The following WDFY4 variants were observed in gnomAD, a reference collection of about 807,000 sequenced individuals.
The protein encoded by WDFY4 is WD repeat- and FYVE domain-containing protein 4.
A neutral mutation model predicts 351.9 loss-of-function variants in WDFY4; 169 were observed. The observed-to-expected ratio is 0.48, with a 90% CI of 0.42 to 0.55. WDFY4 has a LOEUF of 0.55. Ranked by LOEUF, WDFY4 falls within the 20% of genes least tolerant of loss-of-function variation. The probability of loss-of-function intolerance (pLI) is 0.00; values close to 1 mark genes in which losing one functional copy is unlikely to be tolerated. For synonymous variants in WDFY4, 1,622 were observed against 1,574.6 expected (o/e 1.03, Z -0.71); for missense variants, 3,803 against 3,935.6 (o/e 0.97, Z 0.90).
chr10:48,808,047 C>T (rs1750541345), intron 28 of WDFY4, 89 bp downstream of exon 28: 2 of 1,110,474 alleles, frequency 1.8e-6, no homozygotes, highest in Non-Finnish European at 2.5e-6. Flanking sequence ...AGTTTAGCAT[C>T]TCTGAGTCTG....
intron 8 of WDFY4, among the ~76,000 whole-genome samples, chr10:48,730,594 A>G (rs1408840331): frequency 1.3e-5 from 2 of 152,154 alleles, no homozygotes; most frequent in African/African-American, 2.4e-5. Context: ...TTTGCTAGTA[A>G]TCTCCAACAT....
chr10:48,830,863 C>T lies in WDFY4; in HGVS notation c.6504C>T (p.Leu2168=). The change falls in exon 38 of 62, where the codon CTC becomes CTT. Residue 2168 remains leucine (L), a synonymous_variant. Coordinates refer to ENST00000325239, the MANE Select transcript of WDFY4 (RefSeq NM_001394531.1). Reference sequence around the variant, plus strand: ...CACCGCTCTGGGAGGAGACGATGCTCAAGGCCTGGCAGCATTACTTAGGTC... The same window carrying T: ...CACCGCTCTGGGAGGAGACGATGCTTAAGGCCTGGCAGCATTACTTAGGTC... The part of the protein sequence containing the change: ...EVTPLWEETM[L]KAWQHYLASE... 1.3e-6 allele frequency: 2 copies of T among 1,551,540 alleles called. No individual in the cohort carries two copies. Among genetic ancestry groups the T allele is most frequent in the Non-Finnish European group, 1.7e-6 (2 of 1,146,914 alleles).
At chr10:48,829,225 C>T (rs934873135) in intron 37 of WDFY4, among the ~76,000 whole-genome samples, 5 of 152,156 alleles carry the variant, frequency 3.3e-5, no homozygotes, top group Non-Finnish European at 5.9e-5. Flanking sequence ...TCCCAGGGTA[C>T]TCTACGGTAA....
chr10:48,913,052 G>A (rs1370761612), intron 47 of WDFY4, among the ~76,000 whole-genome samples: 1 of 152,216 alleles, frequency 6.6e-6, no homozygotes, highest in African/African-American at 2.4e-5. Flanking sequence ...GCCAGTGATA[G>A]TGAGTGTGTG....
rs1258447128 is a variant in WDFY4, at chr10:48,755,150, A to T, written c.2460-5197A>T. On this transcript the variant is annotated intron_variant, in intron 12 of 61. Coordinates refer to ENST00000325239, the MANE Select transcript of WDFY4 (RefSeq NM_001394531.1). Reference sequence around the variant, plus strand: ...TTCCTTATAGTTTTGTCTTTCCAGAATACCATATACATGGAAGCATACATG... The same window carrying T: ...TTCCTTATAGTTTTGTCTTTCCAGATTACCATATACATGGAAGCATACATG... 3.3e-5 allele frequency among the ~76,000 whole-genome samples: 5 copies of T among 152,168 alleles called. No homozygotes were observed. The East Asian group carries it at 9.6e-4, about 29-fold the overall frequency.
intron 39 of WDFY4, among the ~76,000 whole-genome samples, chr10:48,860,153 T>C (rs1470879977): frequency 2.0e-5 from 3 of 152,254 alleles, no homozygotes; most frequent in African/African-American, 7.2e-5. Flanking sequence ...GTTTCAATCA[T>C]TTTTCTGCTT....
chr10:48,825,473 C>G (rs1163812085), intron 35 of WDFY4, among the ~76,000 whole-genome samples: 1 of 152,012 alleles, frequency 6.6e-6, no homozygotes, highest in East Asian at 1.9e-4. Context: ...GGGTATATAC[C>G]CAGTAATGGG....
rs970167299 is a variant in WDFY4 at position 48,873,471 on chromosome 10, ACT to A, written c.6742-17_6742-16del. On this transcript the variant is annotated intron_variant, in intron 40 of 61. Transcript: ENST00000325239. The stretch of plus-strand genomic sequence containing the variant: ...CCATAAGGCAAATGTATCCAGGGTG[ACT>A]CTGTTTCTGCTCCCCAGAGGCGAAA... The A allele has an allele frequency of 1.3e-5, 20 of 1,531,568 alleles. No individual in the cohort carries two copies. Among genetic ancestry groups the A allele is most frequent in the African/African-American group, 4.2e-5 (3 of 72,236 alleles). 94.9% of individuals were successfully genotyped at this position (1,531,568 alleles called of 1,614,324 possible).
At chr10:48,954,457 C>T (rs1841488927) in intron 51 of WDFY4, among the ~76,000 whole-genome samples, 1 of 152,338 alleles carries the variant, frequency 6.6e-6, no homozygotes, top group Non-Finnish European at 1.5e-5. Context: ...TCACTTTGTT[C>T]CCTTCCAAGT....
intron 39 of WDFY4, among the ~76,000 whole-genome samples, chr10:48,849,583 G>A (rs2068890732): frequency 6.6e-6 from 1 of 152,216 alleles, no homozygotes; most frequent in Non-Finnish European, 1.5e-5. Context: ...TCCATCCCAG[G>A]TTCACAGTGG....
chr10:48,704,036 C>T (rs1057248198), intron 1 of WDFY4, among the ~76,000 whole-genome samples: 1 of 152,114 alleles, frequency 6.6e-6, no homozygotes, highest in Non-Finnish European at 1.5e-5. Flanking sequence ...GCACATGGCA[C>T]AGAGGAAGGG....
chr10:48,974,539 A>ACG (rs1564543245), intron 57 of WDFY4, among the ~76,000 whole-genome samples: 1 of 18,326 alleles, frequency 5.5e-5, no homozygotes, highest in Non-Finnish European at 1.4e-4. Flanking sequence ...ACAACTCATG[A>ACG]CATGAACTGC....
At position 48,976,882 on chromosome 10, in the gene WDFY4, G is replaced by T; in HGVS notation, c.9194G>T (p.Gly3065Val). Residue 3065 changes from glycine (G) to valine (V), a missense_variant, in exon 59 of 62, where the codon GGC (glycine) becomes GTC (valine). This residue lies in a region of WDFY4 where 3,054 missense variants were observed against 3,148.6 expected (regional missense o/e 0.97). Coordinates refer to ENST00000325239, the MANE Select transcript of WDFY4 (RefSeq NM_001394531.1). ...QPLASITTAW[G>V]PEGAITCCCL... The stretch of plus-strand genomic sequence containing the variant: ...CTGGCCAGCATCACCACAGCCTGGG[G>T]CCCAGAAGGAGCCATAACCTGCTGC... 1 of 1,541,006 alleles carries T rather than the reference G, an allele frequency of 6.5e-7. No homozygotes were observed.
chr10:48,688,016 C>T (rs181470666), intron 1 of WDFY4, among the ~76,000 whole-genome samples: 175 of 152,240 alleles, frequency 1.1e-3, no homozygotes, highest in African/African-American at 3.9e-3. Context: ...CTCCTGACCT[C>T]AGGTGATCCA....
chr10:48,929,559 T>C (rs1564500364), intron 47 of WDFY4, among the ~76,000 whole-genome samples: 1 of 152,186 alleles, frequency 6.6e-6, no homozygotes, highest in Non-Finnish European at 1.5e-5. Context: ...CCTATACTTA[T>C]TGTGCTGGTC....
chr10:48,819,297 C>A (rs1366982843), intron 32 of WDFY4, among the ~76,000 whole-genome samples: 1 of 152,202 alleles, frequency 6.6e-6, no homozygotes, highest in Non-Finnish European at 1.5e-5. Context: ...GTATAGAAAA[C>A]ATGCCAGACC....
chr10:48,711,962 A>G (rs1442069127), intron 2 of WDFY4, among the ~76,000 whole-genome samples: 2 of 152,256 alleles, frequency 1.3e-5, no homozygotes, highest in Non-Finnish European at 2.9e-5. Context: ...TCTTTCACCC[A>G]ACCCATATTA....
chr10:48,882,773 C>T (rs908980129), intron 43 of WDFY4, among the ~76,000 whole-genome samples: 1 of 152,120 alleles, frequency 6.6e-6, no homozygotes, highest in Non-Finnish European at 1.5e-5. Context: ...AGGACAGCAC[C>T]AAGACATTTA....
intron 5 of WDFY4, 96 bp downstream of exon 5, chr10:48,723,663 C>G: frequency 6.7e-7 from 1 of 1,487,072 alleles, no homozygotes. Context: ...TCTTTCTCAG[C>G]CCTGGTTCCT....
Sources: allele counts gnomAD v4.1 joint callset (sites outside exome capture counted in the v4.1 genomes callset), GRCh38; gene constraint gnomAD v4.1.1; regional missense constraint gnomAD v4.1.1; transcripts MANE v1.5; gene names NCBI Gene and HGNC (gene_info 2026-07-23, HGNC 2026-07-21).